PDE3B: variants seen among roughly 807,000 people sequenced by gnomAD.
PDE3B encodes the protein cGMP-inhibited 3',5'-cyclic phosphodiesterase 3B.
PDE3B carries 66 observed loss-of-function variants against 116.8 expected under a neutral mutation model. The observed-to-expected ratio is 0.56, with a 90% CI of 0.46 to 0.69. PDE3B has a LOEUF of 0.69. Among genes scored for constraint, PDE3B ranks in the 30% least tolerant of loss-of-function variants. The pLI, the probability that PDE3B is intolerant of heterozygous loss-of-function variation, is 0.00. For missense variants in PDE3B, 1,384 were observed against 1,368.1 expected, an observed-to-expected ratio of 1.01 and a Z score of -0.18; for synonymous variants, 595 against 533.6, an observed-to-expected ratio of 1.12 and a Z score of -1.59.
At chr11:14,770,032 C>A (rs576608616) in intron 1 of PDE3B, among the ~76,000 whole-genome samples, 11 of 151,316 alleles carry the variant, frequency 7.3e-5, no homozygotes, top group South Asian at 2.1e-4. Context: ...TCAACTTCTA[C>A]TTAGAGTTGT....
intron 14 of PDE3B, among the ~76,000 whole-genome samples, chr11:14,863,763 T>A (rs1419914744): frequency 6.6e-6 from 1 of 152,198 alleles, no homozygotes; most frequent in African/African-American, 2.4e-5. Context: ...CTGAGAGATT[T>A]TGTCACCACC....
chr11:14,725,330 T>TCTTTC (rs1554986138), intron 1 of PDE3B, among the ~76,000 whole-genome samples: 1 of 132,070 alleles, frequency 7.6e-6, no homozygotes, highest in Non-Finnish European at 1.6e-5. Flanking sequence ...TTTCTTTCTT[T>TCTTTC]TTCTTTCTTT....
chr11:14,789,476 G>A (rs1184407457), intron 4 of PDE3B, among the ~76,000 whole-genome samples: 1 of 151,968 alleles, frequency 6.6e-6, no homozygotes, highest in African/African-American at 2.4e-5. Flanking sequence ...GGATCCCTGA[G>A]AACATGAGAT....
chr11:14,686,612 C>A (rs2066773614), intron 1 of PDE3B, among the ~76,000 whole-genome samples: 1 of 152,040 alleles, frequency 6.6e-6, no homozygotes. Flanking sequence ...ACTGAATTGG[C>A]TTTATACTTA....
chr11:14,791,201 C>T lies in PDE3B; in HGVS notation c.1415+1959C>T, dbSNP rs190508152. Among the ~76,000 whole-genome samples, 11 of 152,210 alleles carry T rather than the reference C, an allele frequency of 7.2e-5. No homozygotes were observed. In the East Asian group the frequency reaches 2.1e-3, roughly 29 times the overall value. On this transcript the variant is annotated intron_variant, in intron 4 of 15. Coordinates refer to ENST00000282096, the MANE Select transcript of PDE3B (RefSeq NM_000922.4). The stretch of plus-strand genomic sequence containing the variant: ...ATCTTTAGACTTTAGTAGCACAAAA[C>T]TCATAGACTTATGACTCTGAAATCA...
intron 1 of PDE3B, among the ~76,000 whole-genome samples, chr11:14,672,518 A>G (rs1010688566): frequency 1.3e-5 from 2 of 152,166 alleles, no homozygotes; most frequent in East Asian, 1.9e-4. Context: ...TTGTTGGTCT[A>G]TTTGTTATGA....
chr11:14,698,527 T>G (rs1180632712), intron 1 of PDE3B, among the ~76,000 whole-genome samples: 1 of 151,916 alleles, frequency 6.6e-6, no homozygotes, highest in Non-Finnish European at 1.5e-5. Context: ...ATTATCATTT[T>G]TATTTTTAAA....
At chr11:14,660,428 A>C (rs2133760612) in intron 1 of PDE3B, among the ~76,000 whole-genome samples, 1 of 151,282 alleles carries the variant, frequency 6.6e-6, no homozygotes, top group African/African-American at 2.4e-5. Context: ...CAGCCTCTGG[A>C]GTAGCTGGGG....
rs752027073 is a variant in PDE3B at position 14,803,950 on chromosome 11, A to G, written c.1422A>G (p.Gly474=). ...TGTTATTTTTCCCTTTTAGTCAAGG[A>G]TGCTATCTAAATGGGCCTTTTAATT... ...PHQEFGISSQ[G]CYLNGPFNSN... The change falls in exon 5 of 16, where the codon GGA becomes GGG. Residue 474 remains glycine (G), a synonymous_variant. Transcript: ENST00000282096. 1.3e-6 allele frequency: 2 copies of G among 1,582,894 alleles called. No homozygotes were observed. Among genetic ancestry groups the G allele is most frequent in the Non-Finnish European group, 1.7e-6 (2 of 1,151,822 alleles).
At chr11:14,807,394 G>A (rs540519919) in intron 5 of PDE3B, among the ~76,000 whole-genome samples, 2 of 152,228 alleles carry the variant, frequency 1.3e-5, no homozygotes, top group African/African-American at 4.8e-5. Flanking sequence ...TAAGGTACTA[G>A]CAATGCTTGA....
the PDE3B span, chr11:14,892,381 G>T: frequency 1.6e-6 from 1 of 644,222 alleles, no homozygotes; most frequent in Non-Finnish European, 2.7e-6. Context: ...GTTTTGCGCG[G>T]CTGAGAGTGG....
intron 1 of PDE3B, among the ~76,000 whole-genome samples, chr11:14,769,730 A>G (rs1415830300): frequency 6.7e-6 from 1 of 148,738 alleles, no homozygotes; most frequent in Non-Finnish European, 1.5e-5. Flanking sequence ...CATACCAAAG[A>G]TGTACAGTAT....
At chr11:14,878,430 T>G in the PDE3B span, 1 of 885,222 alleles carries the variant, frequency 1.1e-6, no homozygotes, top group Non-Finnish European at 1.7e-6. Flanking sequence ...TATTAAAGGA[T>G]TTTCTTAAAT....
At chr11:14,780,092 A>G (rs994632283) in intron 2 of PDE3B, among the ~76,000 whole-genome samples, 4 of 152,322 alleles carry the variant, frequency 2.6e-5, no homozygotes, top group African/African-American at 9.6e-5. Flanking sequence ...TGGTAAAGGG[A>G]TCAATTCAAC....
At chr11:14,742,585 G>T (rs1000323348) in intron 1 of PDE3B, among the ~76,000 whole-genome samples, 1 of 152,032 alleles carries the variant, frequency 6.6e-6, no homozygotes, top group African/African-American at 2.4e-5. Context: ...GCCTACTTCT[G>T]TCTGTCAAAC....
chr11:14,663,182 C>A (rs1411760743), intron 1 of PDE3B, among the ~76,000 whole-genome samples: 9 of 152,102 alleles, frequency 5.9e-5, no homozygotes, highest in Admixed American at 1.3e-4. Flanking sequence ...GAATTTTCAA[C>A]CCAGAATTTC....
chr11:14,844,401 T>A (rs986234788), intron 12 of PDE3B, among the ~76,000 whole-genome samples: 5 of 152,050 alleles, frequency 3.3e-5, no homozygotes, highest in African/African-American at 1.2e-4. Flanking sequence ...GCTCCCAGCG[T>A]GAGTGACGCA....
chr11:14,788,144 A>G (rs1858267511), intron 3 of PDE3B, among the ~76,000 whole-genome samples: 1 of 151,944 alleles, frequency 6.6e-6, no homozygotes, highest in Non-Finnish European at 1.5e-5. Context: ...TGTGTTCTTT[A>G]AACTCGTTAT....
intron 2 of PDE3B, among the ~76,000 whole-genome samples, chr11:14,783,013 C>T (rs750251753): frequency 6.6e-6 from 1 of 152,094 alleles, no homozygotes; most frequent in African/African-American, 2.4e-5. Flanking sequence ...CTTGAATGCT[C>T]ATCATCACTG....
Sources: gnomAD v4.1 joint callset for allele counts (sites outside exome capture counted in the v4.1 genomes callset) on GRCh38, gnomAD v4.1.1 for gene constraint, MANE v1.5 for transcripts, NCBI Gene and HGNC (gene_info 2026-07-23, HGNC 2026-07-21) for gene names.